HSPA14: variants seen among roughly 807,000 people sequenced by gnomAD.
The protein encoded by HSPA14 is heat shock protein family A (Hsp70) member 14.
A neutral mutation model predicts 65.5 loss-of-function variants in HSPA14; 37 were observed. The ratio of observed to expected loss-of-function variants is 0.56; its 90% CI spans 0.43 to 0.74. The LOEUF (loss-of-function observed/expected upper bound fraction) is 0.74, where lower values mean the gene tolerates loss of function less well. Among genes scored for constraint, HSPA14 ranks in the 30% least tolerant of loss-of-function variants. The pLI is 0.00. For missense variants in HSPA14, 564 were observed against 607.6 expected (o/e 0.93, Z 0.75); for synonymous variants, 203 against 214.2 (o/e 0.95, Z 0.46).
At chr10:14,849,399 A>T (rs1485387122) in intron 5 of HSPA14, 2 of 508,236 alleles carry the variant, frequency 3.9e-6, no homozygotes, top group Non-Finnish European at 7.9e-6. Context: ...GAGAACTAAC[A>T]TTATGACGTT....
At chr10:14,869,935 G>T (rs1391449759) in intron 12 of HSPA14, among the ~76,000 whole-genome samples, 1 of 152,228 alleles carries the variant, frequency 6.6e-6, no homozygotes, top group Non-Finnish European at 1.5e-5. Flanking sequence ...GAATCTTTCA[G>T]AGTTCCCATC....
Position 14,842,344 on chromosome 10 carries a change from T to C in HSPA14, c.221+2187T>C, listed in dbSNP as rs1208805630. 3.5e-5 allele frequency: 54 copies of C among 1,535,946 alleles called. No individual in the cohort carries two copies. The highest frequency in any genetic ancestry group is 4.4e-5 in the Non-Finnish European group (51 of 1,146,900). On this transcript the variant is annotated intron_variant, in intron 3 of 13. Coordinates refer to ENST00000378372, the MANE Select transcript of HSPA14 (RefSeq NM_016299.4). This position sits in a 1 kb window ranked among gnomAD's most constrained non-coding sequence, Gnocchi z 5.2. The stretch of plus-strand genomic sequence containing the variant: ...GGTCCAGACAGGAGACACGAACTCT[T>C]CTCTCCATACTAGGCGAGGCAGAGT...
chr10:14,866,634 G>A (rs968811887), intron 10 of HSPA14, among the ~76,000 whole-genome samples: 1 of 151,986 alleles, frequency 6.6e-6, no homozygotes, highest in African/African-American at 2.4e-5. Flanking sequence ...TTCTTCCATG[G>A]TAAAGGCAAA....
intron 3 of HSPA14, chr10:14,844,158 G>A: frequency 7.7e-7 from 1 of 1,291,640 alleles, no homozygotes; most frequent in Non-Finnish European, 9.9e-7. Flanking sequence ...CTTTGTCACA[G>A]ATGTGAAGCA....
At position 14,842,770 on chromosome 10, in the gene HSPA14, T is replaced by C. The variant is rs1433968085; in HGVS notation, c.221+2613T>C. 21 of 1,536,366 alleles carry C rather than the reference T, an allele frequency of 1.4e-5. No individual in the cohort carries two copies. Among genetic ancestry groups the C allele is most frequent in the Admixed American group, 2.0e-5 (1 of 50,992 alleles). On this transcript the variant is annotated intron_variant, in intron 3 of 13. Transcript: ENST00000378372. The surrounding 1 kb of genome is among the most constrained non-coding windows in gnomAD (Gnocchi z 5.2). ...AAACAGTTAAGGCATCAGATGAGGA[T>C]TGTCAGCTAAGAATCAGTGACCGGA...
chr10:14,853,814 G>A (rs1834125411), intron 8 of HSPA14, among the ~76,000 whole-genome samples: 1 of 152,162 alleles, frequency 6.6e-6, no homozygotes, highest in South Asian at 2.1e-4. Flanking sequence ...CCACCTCCCA[G>A]GTTCAAGCGA....
rs1833993728 is a variant in HSPA14 at position 14,842,906 on chromosome 10, C to T, written c.221+2749C>T. On this transcript the variant is annotated intron_variant, in intron 3 of 13. Coordinates refer to ENST00000378372, the MANE Select transcript of HSPA14 (RefSeq NM_016299.4). This position sits in a 1 kb window ranked among gnomAD's most constrained non-coding sequence, Gnocchi z 5.2. ...GAGTCTTGTGGCTCTAAACATTTAGCTGTGTCTGTTTGGATAGTGTCCTCT... is the reference window on the plus strand; with the variant it reads ...GAGTCTTGTGGCTCTAAACATTTAGTTGTGTCTGTTTGGATAGTGTCCTCT... 1.2e-5 allele frequency: 14 copies of T among 1,204,460 alleles called. No individual in the cohort carries two copies. The highest frequency in any genetic ancestry group is 1.5e-5 in the Non-Finnish European group (13 of 876,742). The allele number at this position is 1,204,460 out of a possible 1,614,324, so 74.6% of individuals were successfully genotyped here. A position where few individuals can be genotyped will look rare whatever the true frequency, so the allele number is the denominator to read the frequency against.
rs1246636782 is a variant in HSPA14 at position 14,842,488 on chromosome 10, T to C, written c.221+2331T>C. 6.5e-7 allele frequency: 1 copy of C among 1,536,122 alleles called. No homozygotes were observed. The highest frequency in any genetic ancestry group is 8.7e-7 in the Non-Finnish European group (1 of 1,146,914). Reference sequence around the variant, plus strand: ...GTCAGTGCCGCTCCAAGTTTAAAGTTCTGAAGGCATTATATTTAAAGGCCT... The same window carrying C: ...GTCAGTGCCGCTCCAAGTTTAAAGTCCTGAAGGCATTATATTTAAAGGCCT... On this transcript the variant is annotated intron_variant, in intron 3 of 13. Coordinates refer to ENST00000378372, the MANE Select transcript of HSPA14 (RefSeq NM_016299.4). This position sits in a 1 kb window ranked among gnomAD's most constrained non-coding sequence, Gnocchi z 5.2.
chr10:14,856,716 G>A lies in HSPA14; in HGVS notation c.993+773G>A, dbSNP rs549303720. On this transcript the variant is annotated intron_variant, in intron 10 of 13. Coordinates refer to ENST00000378372, the MANE Select transcript of HSPA14 (RefSeq NM_016299.4). ...GTCTCTACAAAAAACAAAATTAGCG[G>A]GGTGTGATGATGTGCGTCTGTGGTC... Among the ~76,000 whole-genome samples the A allele has an allele frequency of 1.2e-3, 184 of 152,066 alleles. 1 individual carries two copies. The highest frequency in any genetic ancestry group is 4.2e-3 in the African/African-American group (176 of 41,478).
At chr10:14,850,328 C>T (rs993644222) in intron 6 of HSPA14, among the ~76,000 whole-genome samples, 2 of 151,052 alleles carry the variant, frequency 1.3e-5, no homozygotes, top group African/African-American at 4.9e-5. Flanking sequence ...TCAGCTGTTT[C>T]GATCGGAAAC....
chr10:14,843,220 G>C, intron 3 of HSPA14: 1 of 1,003,510 alleles, frequency 1.0e-6, no homozygotes, highest in African/African-American at 1.6e-5. Flanking sequence ...CAATTGTCCA[G>C]ATTAAGGAAA....
chr10:14,845,674 A>G (rs1834040764), intron 3 of HSPA14: 1 of 310,140 alleles, frequency 3.2e-6, no homozygotes, highest in Non-Finnish European at 4.7e-6. Flanking sequence ...GCTCACTGCA[A>G]CCTCAGCCTC....
intron 1 of HSPA14, 38 bp from the exon 2 acceptor site, chr10:14,839,867 G>A (rs537188511): frequency 2.7e-6 from 4 of 1,501,644 alleles, no homozygotes; most frequent in African/African-American, 1.4e-5. Flanking sequence ...GTCTGAATAC[G>A]TCTAATGAGA....
In HSPA14 at chr10:14,842,060, T is replaced by C; in HGVS notation, c.221+1903T>C. The C allele has an allele frequency of 9.2e-7, 1 of 1,092,378 alleles. No homozygotes were observed. Among genetic ancestry groups the C allele is most frequent in the Non-Finnish European group, 1.3e-6 (1 of 750,796 alleles). The allele number at this position is 1,092,378 out of a possible 1,614,324, so 67.7% of individuals were successfully genotyped here. ...TGCCTGTTTATGACCTACTCACAGGTAGCACCACTTAACTTGCTGCCAAAA... is the reference window on the plus strand; with the variant it reads ...TGCCTGTTTATGACCTACTCACAGGCAGCACCACTTAACTTGCTGCCAAAA... On this transcript the variant is annotated intron_variant, in intron 3 of 13. Coordinates refer to ENST00000378372, the MANE Select transcript of HSPA14 (RefSeq NM_016299.4). This position sits in a 1 kb window ranked among gnomAD's most constrained non-coding sequence, Gnocchi z 5.2.
intron 10 of HSPA14, among the ~76,000 whole-genome samples, chr10:14,856,898 T>C (rs1832704907): frequency 6.6e-6 from 1 of 152,142 alleles, no homozygotes; most frequent in Admixed American, 6.5e-5. Context: ...ATTTTTAAAA[T>C]TTTCATTATT....
intron 3 of HSPA14, among the ~76,000 whole-genome samples, chr10:14,840,991 G>A (rs771764202): frequency 1.3e-5 from 2 of 152,138 alleles, no homozygotes; most frequent in Non-Finnish European, 2.9e-5. Context: ...CTCGGCCCCA[G>A]GTTCTTTTCT....
At position 14,842,933 on chromosome 10, in the gene HSPA14, C is replaced by T; in HGVS notation, c.221+2776C>T. On this transcript the variant is annotated intron_variant, in intron 3 of 13. Transcript: ENST00000378372. The surrounding 1 kb of genome is among the most constrained non-coding windows in gnomAD (Gnocchi z 5.2). ...GTGTCTGTTTGGATAGTGTCCTCTT[C>T]AGCATAGTTCCTGTTTCTGCCTCAT... is the stretch of plus-strand genomic sequence containing the variant. 1.0e-6 allele frequency: 1 copy of T among 962,716 alleles called. No individual in the cohort carries two copies. 59.6% of individuals were successfully genotyped at this position (962,716 alleles called of 1,614,324 possible).
At chr10:14,862,044 T>G (rs1422653510) in intron 10 of HSPA14, among the ~76,000 whole-genome samples, 1 of 151,668 alleles carries the variant, frequency 6.6e-6, no homozygotes, top group Admixed American at 6.6e-5. Context: ...TTTTTTTTTT[T>G]TTGAGACAGT....
Position 14,842,220 on chromosome 10 carries a change from T to C in HSPA14, c.221+2063T>C. Reference sequence around the variant, plus strand: ...AGATATCCTGAGAGCACACAGAGCTTCCCCACACCTTCAGACTTGCACCTT... The same window carrying C: ...AGATATCCTGAGAGCACACAGAGCTCCCCCACACCTTCAGACTTGCACCTT... On this transcript the variant is annotated intron_variant, in intron 3 of 13. Coordinates refer to ENST00000378372, the MANE Select transcript of HSPA14 (RefSeq NM_016299.4). The surrounding 1 kb of genome is among the most constrained non-coding windows in gnomAD (Gnocchi z 5.2). 6.5e-7 allele frequency: 1 copy of C among 1,535,576 alleles called. No homozygotes were observed. The highest frequency in any genetic ancestry group is 8.7e-7 in the Non-Finnish European group (1 of 1,146,864).
Sources: gnomAD v4.1 joint callset for allele counts (sites outside exome capture counted in the v4.1 genomes callset) on GRCh38, gnomAD v4.1.1 for gene constraint, Gnocchi (gnomAD v3.1) non-coding constraint, MANE v1.5 for transcripts, NCBI Gene and HGNC (gene_info 2026-07-23, HGNC 2026-07-21) for gene names.